Variants in CLVS1 observed in about 807,000 individuals in gnomAD.
CLVS1 encodes clavesin-1.
CLVS1 carries 10 observed loss-of-function variants against 33.1 expected under a neutral mutation model. The ratio of observed to expected loss-of-function variants is 0.30; its 90% confidence interval spans 0.19 to 0.51. The LOEUF (loss-of-function observed/expected upper bound fraction) is 0.51. Ranked by LOEUF, CLVS1 falls within the 20% of genes least tolerant of loss-of-function variation. The pLI is 0.97. For synonymous variants in CLVS1, 163 were observed against 166.1 expected, an observed-to-expected ratio of 0.98 and a Z score of 0.14; for missense variants, 343 against 433.4, an observed-to-expected ratio of 0.79 and a Z score of 1.85.
chr8:61,160,037 C>A (rs930837018), intron 2 of CLVS1, among the ~76,000 whole-genome samples: 3 of 152,174 alleles, frequency 2.0e-5, no homozygotes, highest in East Asian at 1.9e-4. Context: ...AACTTTTGAT[C>A]TTGCTGCTCA....
chr8:61,327,912 A>C (rs559877623), intron 2 of CLVS1, among the ~76,000 whole-genome samples: 6 of 152,326 alleles, frequency 3.9e-5, no homozygotes, highest in African/African-American at 1.4e-4. Context: ...TAGGACCCTG[A>C]GGAGGGAAAA....
intron 2 of CLVS1, among the ~76,000 whole-genome samples, chr8:61,339,533 A>G (rs543995663): frequency 3.9e-5 from 6 of 152,276 alleles, no homozygotes; most frequent in Non-Finnish European, 8.8e-5. Flanking sequence ...CATGTCCCTT[A>G]TGGGGCACTG....
chr8:61,488,851 C>T (rs1001439892), intron 5 of CLVS1, among the ~76,000 whole-genome samples: 1 of 152,200 alleles, frequency 6.6e-6, no homozygotes, highest in Non-Finnish European at 1.5e-5. Flanking sequence ...TCCCTGGCTC[C>T]CTTCTCCCAT....
chr8:61,443,108 G>A (rs2129606277), intron 3 of CLVS1, among the ~76,000 whole-genome samples: 1 of 152,202 alleles, frequency 6.6e-6, no homozygotes, highest in African/African-American at 2.4e-5. Flanking sequence ...TTATATTTGA[G>A]AGCTTATTAT....
intron 2 of CLVS1, among the ~76,000 whole-genome samples, chr8:61,188,108 G>A (rs1807381505): frequency 6.6e-6 from 1 of 152,060 alleles, no homozygotes; most frequent in Non-Finnish European, 1.5e-5. Context: ...CATTAAGATA[G>A]GTAATGTAGC....
Position 61,140,489 on chromosome 8 carries a change from G to A in CLVS1, c.-152+8629G>A, listed in dbSNP as rs892115140. 3.3e-5 allele frequency among the ~76,000 whole-genome samples: 5 copies of A among 152,204 alleles called. No homozygotes were observed. In the South Asian group the frequency reaches 1.0e-3, roughly 32 times the overall value. On this transcript the variant is annotated intron_variant, in intron 2 of 2. Coordinates refer to the CLVS1 transcript ENST00000522621. Reference sequence around the variant, plus strand: ...CCTGGCACCAGCAAAGGAAATGCTTGTAACTAGTTGGAGAACCCAAAGCAT... The same window carrying A: ...CCTGGCACCAGCAAAGGAAATGCTTATAACTAGTTGGAGAACCCAAAGCAT...
At chr8:61,257,539 G>T (rs1424236079) in intron 2 of CLVS1, among the ~76,000 whole-genome samples, 2 of 152,158 alleles carry the variant, frequency 1.3e-5, no homozygotes, top group Non-Finnish European at 2.9e-5. Context: ...AGACGGAGTG[G>T]TAAGATTTTC....
chr8:61,190,033 T>G (rs1305050174), intron 2 of CLVS1, among the ~76,000 whole-genome samples: 1 of 152,172 alleles, frequency 6.6e-6, no homozygotes, highest in Admixed American at 6.6e-5. Context: ...CTAATAGACA[T>G]CTACAGAAGT....
At chr8:61,052,752 G>A (rs1026309987), upstream of CLVS1, among the ~76,000 whole-genome samples, 4 of 152,288 alleles carry the variant, frequency 2.6e-5, no homozygotes, top group African/African-American at 9.6e-5. Context: ...TGCTGTGAGA[G>A]TTTCCCTCTG....
At chr8:61,193,543 A>C (rs1216464369) in intron 2 of CLVS1, among the ~76,000 whole-genome samples, 1 of 152,014 alleles carries the variant, frequency 6.6e-6, no homozygotes, top group African/African-American at 2.4e-5. Flanking sequence ...AACTCTTCAA[A>C]GCAATGTCAC....
the CLVS1 span, among the ~76,000 whole-genome samples, chr8:60,993,289 C>T: frequency 6.6e-6 from 1 of 152,224 alleles, no homozygotes; most frequent in South Asian, 2.1e-4. Context: ...AATCTAGTCT[C>T]AGTTAATGTC....
At chr8:61,390,094 G>A (rs1814244032) in intron 3 of CLVS1, among the ~76,000 whole-genome samples, 2 of 151,974 alleles carry the variant, frequency 1.3e-5, no homozygotes, top group Non-Finnish European at 2.9e-5. Flanking sequence ...CCTATTCTTG[G>A]GAGTTCCTTA....
chr8:61,259,080 A>G (rs977977529), intron 2 of CLVS1, among the ~76,000 whole-genome samples: 1 of 152,254 alleles, frequency 6.6e-6, no homozygotes, highest in African/African-American at 2.4e-5. Context: ...TAGCAGGAAC[A>G]TGTGTTAAAA....
intron 1 of CLVS1, among the ~76,000 whole-genome samples, chr8:61,294,203 C>T (rs1331615996): frequency 6.6e-6 from 1 of 152,056 alleles, no homozygotes; most frequent in Non-Finnish European, 1.5e-5. Flanking sequence ...TTAAACAAGG[C>T]ACCTACTTGG....
At chr8:60,981,066 C>T in the CLVS1 span, among the ~76,000 whole-genome samples, 1 of 152,142 alleles carries the variant, frequency 6.6e-6, no homozygotes, top group Non-Finnish European at 1.5e-5. Context: ...TGGAGGAGGG[C>T]CCTTAATTTC....
rs1554561123 is a variant in CLVS1, at chr8:61,339,798, A to AAG, written c.456-36802_456-36801dup. 7.2e-4 allele frequency among the ~76,000 whole-genome samples: 107 copies of AAG among 148,962 alleles called. 1 individual carries two copies. In the East Asian group the frequency reaches 0.015, roughly 21 times the overall value. ...AGGAAAGAAAACAAGAAAGAGAAAA[A>AAG]AGAGAGGAAGGAAAGGAGGGAAAGA... On this transcript the variant is annotated intron_variant, in intron 2 of 5. Coordinates refer to ENST00000325897, the MANE Select transcript of CLVS1 (RefSeq NM_173519.3).
chr8:61,414,374 C>T (rs1815346524), intron 3 of CLVS1, among the ~76,000 whole-genome samples: 1 of 150,812 alleles, frequency 6.6e-6, no homozygotes, highest in African/African-American at 2.4e-5. Flanking sequence ...CAGAAAAGGG[C>T]ACTGCAGCTT....
chr8:61,191,488 A>G (rs1440348605), intron 2 of CLVS1, among the ~76,000 whole-genome samples: 1 of 152,086 alleles, frequency 6.6e-6, no homozygotes, highest in Non-Finnish European at 1.5e-5. Context: ...GCTCTCTCAC[A>G]ACTCCTATTC....
Position 61,427,284 on chromosome 8 carries a change from G to C in CLVS1, c.631-26857G>C, listed in dbSNP as rs139421116. Among the ~76,000 whole-genome samples the C allele has an allele frequency of 1.6e-4, 24 of 152,064 alleles. No homozygotes were observed. The East Asian group carries it at 4.4e-3, about 28-fold the overall frequency. On this transcript the variant is annotated intron_variant, in intron 3 of 5. Transcript: ENST00000325897. ...CCCACATCTCTCCCCATACCTTCCA[G>C]CACCTGCTTTCTTGGTATCTCCCCC...
Sources: gnomAD v4.1 joint callset for allele counts (sites outside exome capture counted in the v4.1 genomes callset) on GRCh38, gnomAD v4.1.1 for gene constraint, MANE v1.5 for transcripts, NCBI Gene and HGNC (gene_info 2026-07-23, HGNC 2026-07-21) for gene names.